Variants in STXBP5 observed in about 807,000 individuals in gnomAD.
The protein encoded by STXBP5 is syntaxin-binding protein 5.
In STXBP5, 50 loss-of-function variants were observed where a neutral mutation model predicts 152.4. That is an observed-to-expected ratio of 0.33 (90% CI 0.26 to 0.42). The LOEUF (loss-of-function observed/expected upper bound fraction) is 0.42, where lower values mean the gene tolerates loss of function less well. Ranked by LOEUF, STXBP5 falls within the 10% of genes least tolerant of loss-of-function variation. The probability of loss-of-function intolerance (pLI) is 1.00; values close to 1 mark genes in which losing one functional copy is unlikely to be tolerated. For missense variants in STXBP5, 1,167 were observed against 1,388.6 expected, an observed-to-expected ratio of 0.84 and a Z score of 2.54; for synonymous variants, 492 against 494.7, an observed-to-expected ratio of 0.99 and a Z score of 0.07.
chr6:147,382,238 T>C (rs369121922), intron 26 of STXBP5, among the ~76,000 whole-genome samples: 3 of 152,070 alleles, frequency 2.0e-5, no homozygotes, highest in South Asian at 2.1e-4. Flanking sequence ...ACAAGATAAA[T>C]GGAGAAAAAG....
At chr6:147,377,344 A>C (rs987531973) in intron 26 of STXBP5, among the ~76,000 whole-genome samples, 5 of 152,202 alleles carry the variant, frequency 3.3e-5, no homozygotes, top group African/African-American at 4.8e-5. Flanking sequence ...GAAAAAGAAA[A>C]CATGAAAATG....
Position 147,221,137 on chromosome 6 carries a change from T to A in STXBP5, c.249-14113T>A, listed in dbSNP as rs138832106. ...CTGGGTCTACTTTGAAAGAACACTG[T>A]ACTGCTTCACAGGTCATATGAGTAC... On this transcript the variant is annotated intron_variant, in intron 2 of 27. Coordinates refer to ENST00000321680, the MANE Select transcript of STXBP5 (RefSeq NM_001127715.4). Among the ~76,000 whole-genome samples, 237 of 152,224 alleles carry A rather than the reference T, an allele frequency of 1.6e-3. 3 individuals carry two copies. The highest frequency in any genetic ancestry group is 5.4e-3 in the African/African-American group (226 of 41,552).
At chr6:147,299,355 C>G (rs967883731) in intron 9 of STXBP5, among the ~76,000 whole-genome samples, 3 of 151,712 alleles carry the variant, frequency 2.0e-5, no homozygotes, top group African/African-American at 7.3e-5. Flanking sequence ...GGAATTGAAT[C>G]AGTAATAAAA....
intron 7 of STXBP5, among the ~76,000 whole-genome samples, chr6:147,277,361 CA>C (rs1322219129): frequency 2.0e-5 from 3 of 151,948 alleles, no homozygotes; most frequent in Non-Finnish European, 4.4e-5. Flanking sequence ...AAAATTGTAT[CA>C]ACTTGAGTTG....
intron 4 of STXBP5, among the ~76,000 whole-genome samples, chr6:147,239,744 A>G (rs1294164032): frequency 1.3e-5 from 2 of 152,036 alleles, no homozygotes; most frequent in Non-Finnish European, 2.9e-5. Context: ...TCTGCTGTTC[A>G]TTTTACTCTG....
chr6:147,375,159 A>C (rs765872715), intron 26 of STXBP5, among the ~76,000 whole-genome samples: 8 of 152,228 alleles, frequency 5.3e-5, no homozygotes, highest in Non-Finnish European at 1.2e-4. Context: ...ATAGATAACC[A>C]GGAACATTAG....
intron 6 of STXBP5, 85 bp downstream of exon 6, chr6:147,262,438 T>C (rs1474772148): frequency 2.0e-5 from 16 of 781,894 alleles, no homozygotes; most frequent in South Asian, 9.8e-5. Flanking sequence ...ATCACACTTA[T>C]TACAAATTGA....
chr6:147,287,037 T>G (rs549116319), intron 8 of STXBP5, among the ~76,000 whole-genome samples: 37 of 150,714 alleles, frequency 2.5e-4, no homozygotes, highest in Non-Finnish European at 5.2e-4. Context: ...TGTGAGTACA[T>G]ACTAGATATA....
intron 4 of STXBP5, among the ~76,000 whole-genome samples, chr6:147,254,963 C>T (rs12176216): frequency 6.6e-6 from 1 of 152,332 alleles, no homozygotes; most frequent in Non-Finnish European, 1.5e-5. Flanking sequence ...AATCCCATTA[C>T]TGGGTATGTA....
At chr6:147,314,210 C>CACAT in intron 12 of STXBP5, 54 bp from the exon 13 acceptor site, 1 of 1,448,982 alleles carries the variant, frequency 6.9e-7, no homozygotes, top group Non-Finnish European at 9.7e-7. Flanking sequence ...CACACACACA[C>CACAT]GGAGGTATGT....
intron 2 of STXBP5, among the ~76,000 whole-genome samples, chr6:147,221,681 C>G (rs1777469043): frequency 1.3e-5 from 2 of 150,488 alleles, no homozygotes; most frequent in Non-Finnish European, 3.0e-5. Context: ...TGGCTTCTTT[C>G]AAGATTTTTT....
At chr6:147,359,448 G>T (rs1330314776) in intron 23 of STXBP5, 125 bp downstream of exon 23, 3 of 1,145,722 alleles carry the variant, frequency 2.6e-6, no homozygotes, top group Admixed American at 6.6e-5. Flanking sequence ...GACAGTGATG[G>T]CCTTATTTAT....
chr6:147,357,293 CA>C (rs1269806366), intron 22 of STXBP5, among the ~76,000 whole-genome samples: 1 of 151,958 alleles, frequency 6.6e-6, no homozygotes, highest in Non-Finnish European at 1.5e-5. Flanking sequence ...AAGGCTGATG[CA>C]AAGGCACCAA....
chr6:147,311,612 C>A (rs1298181638), intron 11 of STXBP5, 85 bp downstream of exon 11: 11 of 1,011,418 alleles, frequency 1.1e-5, no homozygotes, highest in African/African-American at 1.6e-5. Flanking sequence ...TATTTCATTT[C>A]TTTGAAAACT....
intron 21 of STXBP5, among the ~76,000 whole-genome samples, chr6:147,346,621 T>A (rs902290934): frequency 6.6e-6 from 1 of 151,876 alleles, no homozygotes; most frequent in Non-Finnish European, 1.5e-5. Flanking sequence ...GCGCCTGTAA[T>A]CCCAGCTACT....
intron 23 of STXBP5, among the ~76,000 whole-genome samples, chr6:147,362,051 C>T (rs1785088932): frequency 1.3e-5 from 2 of 152,002 alleles, no homozygotes; most frequent in Admixed American, 6.6e-5. Flanking sequence ...ATAACAAATA[C>T]TTTAATATAA....
At chr6:147,266,720 A>G (rs1480551266) in intron 6 of STXBP5, among the ~76,000 whole-genome samples, 1 of 152,154 alleles carries the variant, frequency 6.6e-6, no homozygotes, top group African/African-American at 2.4e-5. Context: ...TAGGCTGGGT[A>G]TGATTTGGAA....
intron 19 of STXBP5, among the ~76,000 whole-genome samples, chr6:147,337,740 T>TA (rs1207120238): frequency 6.6e-6 from 1 of 152,084 alleles, no homozygotes; most frequent in Non-Finnish European, 1.5e-5. Context: ...AGAATTACAT[T>TA]AAAAACAACT....
chr6:147,368,779 T>C (rs1251163412), intron 25 of STXBP5, among the ~76,000 whole-genome samples: 1 of 152,038 alleles, frequency 6.6e-6, no homozygotes, highest in Non-Finnish European at 1.5e-5. Context: ...TATACAAAAA[T>C]AATTTTATTT....
Sources: allele counts gnomAD v4.1 joint callset (sites outside exome capture counted in the v4.1 genomes callset), GRCh38; gene constraint gnomAD v4.1.1; transcripts MANE v1.5; gene names NCBI Gene and HGNC (gene_info 2026-07-23, HGNC 2026-07-21).